The following VMAC variants were observed in gnomAD, a reference collection of about 807,000 sequenced individuals.
VMAC encodes the protein vimentin type intermediate filament associated coiled-coil protein, also known as vimentin-type intermediate filament-associated coiled-coil protein.
Under a neutral mutation model 4.8 loss-of-function variants are expected in VMAC, and 8 were observed. That is an observed-to-expected ratio of 1.68 (90% CI 0.99 to 3.03). The LOEUF is 3.03. VMAC is among the 30% of genes most tolerant of loss of function. VMAC has a pLI of 0.00. For missense variants in VMAC, 248 were observed against 245.1 expected, an observed-to-expected ratio of 1.01 and a Z score of -0.08; for synonymous variants, 96 against 113.7, an observed-to-expected ratio of 0.84 and a Z score of 0.99.
intron 1 of VMAC, among the ~76,000 whole-genome samples, chr19:5,906,724 C>T (rs1284918896): frequency 6.6e-6 from 1 of 152,176 alleles, no homozygotes; most frequent in African/African-American, 2.4e-5. Flanking sequence ...TGAGGGTTCT[C>T]ATAAGAAAAT....
rs763974536 is a variant in VMAC at position 5,909,443 on chromosome 19, C to T, written c.*301C>T. ...GACTTGGCCAAGCTTGCCTGGAGTTCAGGGCACCCTCTTTAGCCAGGGTGT... is the reference window on the plus strand; with the variant it reads ...GACTTGGCCAAGCTTGCCTGGAGTTTAGGGCACCCTCTTTAGCCAGGGTGT... On this transcript the variant is annotated 3_prime_UTR_variant, in exon 2 of 2. Coordinates refer to ENST00000339485, the MANE Select transcript of VMAC (RefSeq NM_001017921.4). The T allele has an allele frequency of 2.8e-6, 1 of 358,932 alleles. No individual in the cohort carries two copies. Among genetic ancestry groups the T allele is most frequent in the Non-Finnish European group, 5.0e-6 (1 of 199,960 alleles). 22.2% of individuals were successfully genotyped at this position (358,932 alleles called of 1,614,324 possible). A position where few individuals can be genotyped will look rare whatever the true frequency, so the allele number is the denominator to read the frequency against.
rs778771322 is a variant in VMAC, at chr19:5,909,139, G to A, written c.507G>A (p.Val169=). The A allele has an allele frequency of 2.0e-6, 3 of 1,536,974 alleles. No homozygotes were observed. The highest frequency in any genetic ancestry group is 1.4e-5 in the African/African-American group (1 of 72,866). The change falls in exon 2 of 2, where the codon GTG becomes GTA. Residue 169 remains valine, a synonymous_variant. Transcript: ENST00000339485. ...AGCCTGCAGTGTTTGGGACCACAGTGTGAGCCCGGAATGCAGATTACAGAA... is the reference window on the plus strand; with the variant it reads ...AGCCTGCAGTGTTTGGGACCACAGTATGAGCCCGGAATGCAGATTACAGAA... The part of the protein sequence containing the change: ...HLQPAVFGTT[V]
In VMAC at chr19:5,909,036, C is replaced by G. The variant is rs1220322701; in HGVS notation, c.404C>G (p.Pro135Arg). The change falls in exon 2 of 2, where the codon CCC becomes CGC. Residue 135 changes from proline to arginine, a missense_variant. Physicochemically the swap from Pro to Arg is moderately radical, Grantham distance 103. Coordinates refer to ENST00000339485, the MANE Select transcript of VMAC (RefSeq NM_001017921.4). The part of the protein sequence containing the change: ...ERLGPLPASD[P>R]GHPPPGGPGP... ...CTGGGGCCCCTGCCGGCCAGTGACC[C>G]CGGCCACCCACCCCCCGGTGGGCCT... The G allele has an allele frequency of 6.3e-7, 1 of 1,576,146 alleles. No homozygotes were observed. Among genetic ancestry groups the G allele is most frequent in the Non-Finnish European group, 8.6e-7 (1 of 1,162,712 alleles).
Position 5,909,034 on chromosome 19 carries a change from C to A in VMAC, c.402C>A (p.Asp134Glu). 1 of 1,575,922 alleles carries A rather than the reference C, an allele frequency of 6.3e-7. No homozygotes were observed. Among genetic ancestry groups the A allele is most frequent in the Non-Finnish European group, 8.6e-7 (1 of 1,162,534 alleles). The change falls in exon 2 of 2, where the codon GAC (aspartate) becomes GAA (glutamate). Residue 134 changes from aspartate (D) to glutamate (E), a missense_variant. Physicochemically the swap from Asp to Glu is conservative, Grantham distance 45. Transcript: ENST00000339485. ...GCCTGGGGCCCCTGCCGGCCAGTGA[C>A]CCCGGCCACCCACCCCCCGGTGGGC... ...AERLGPLPAS[D>E]PGHPPPGGPG...
intron 1 of VMAC, among the ~76,000 whole-genome samples, chr19:5,906,773 C>T (rs2057680338): frequency 6.6e-6 from 1 of 152,164 alleles, no homozygotes; most frequent in South Asian, 2.1e-4. Flanking sequence ...GCCTGTAATC[C>T]CAGCACTTTG....
Position 5,908,817 on chromosome 19 carries a change from C to T in VMAC, c.192-7C>T. On this transcript the variant is annotated splice_polypyrimidine_tract_variant and splice_region_variant and intron_variant, in intron 1 of 1. Transcript: ENST00000339485. This position sits in a 1 kb window ranked among gnomAD's most constrained non-coding sequence, Gnocchi z 4.5. ...TCTGTAATCACCTCCTCTTGCCTTC[C>T]TGCCAGTGAGATTGCCACACTCCAG... The T allele has an allele frequency of 6.2e-7, 1 of 1,613,376 alleles. No individual in the cohort carries two copies. The highest frequency in any genetic ancestry group is 1.7e-5 in the Admixed American group (1 of 59,818).
rs1370675598 is a variant in VMAC at position 5,909,352 on chromosome 19, G to T, written c.*210G>T. ...CAGAAGTGTTCTTGTTTGTTTTTAA[G>T]CTTTGAATCAGTCACCCTTGCTAAA... On this transcript the variant is annotated 3_prime_UTR_variant, in exon 2 of 2. Transcript: ENST00000339485. The T allele has an allele frequency of 3.8e-6, 2 of 532,348 alleles. No individual in the cohort carries two copies. Among genetic ancestry groups the T allele is most frequent in the East Asian group, 6.9e-5 (2 of 28,928 alleles). The allele number at this position is 532,348 out of a possible 1,614,324, so 33.0% of individuals were successfully genotyped here. A position where few individuals can be genotyped will look rare whatever the true frequency, so the allele number is the denominator to read the frequency against.
Position 5,905,030 on chromosome 19 carries a change from A to T in VMAC, c.140A>T (p.His47Leu). The T allele has an allele frequency of 7.2e-7, 1 of 1,392,594 alleles. No homozygotes were observed. Among genetic ancestry groups the T allele is most frequent in the Non-Finnish European group, 9.2e-7 (1 of 1,081,824 alleles). The allele number at this position is 1,392,594 out of a possible 1,614,324, so 86.3% of individuals were successfully genotyped here. ...VHAQAERLAL[H>L]DQQLRAALDE... Reference sequence around the variant, plus strand: ...GCCCAAGCCGAGCGCCTGGCCCTCCACGACCAGCAGCTGCGCGCCGCCCTA... The same window carrying T: ...GCCCAAGCCGAGCGCCTGGCCCTCCTCGACCAGCAGCTGCGCGCCGCCCTA... The change falls in exon 1 of 2, where the codon CAC (histidine) becomes CTC (leucine). Residue 47 changes from histidine (H) to leucine (L), a missense_variant. Physicochemically the swap from His to Leu is moderately conservative, Grantham distance 99. Transcript: ENST00000339485.
In VMAC at chr19:5,910,324, A is replaced by T. The variant is rs953941791; in HGVS notation, c.*1182A>T. 6 of 152,342 alleles carry T rather than the reference A, an allele frequency of 3.9e-5. No individual in the cohort carries two copies. The highest frequency in any genetic ancestry group is 1.4e-4 in the African/African-American group (6 of 41,576). 9.4% of individuals were successfully genotyped at this position (152,342 alleles called of 1,614,324 possible). ...GGGCCAGGTAGAATCTAGGGAGTGT[A>T]GGCCAAGCACTCTCTACAGCGATTG... is the stretch of plus-strand genomic sequence containing the variant. On this transcript the variant is annotated 3_prime_UTR_variant, in exon 2 of 2. Coordinates refer to ENST00000339485, the MANE Select transcript of VMAC (RefSeq NM_001017921.4).
At position 5,908,437 on chromosome 19, in the gene VMAC, A is replaced by C. The variant is rs447980; in HGVS notation, c.192-387A>C. 0.66 allele frequency among the ~76,000 whole-genome samples: 99,867 copies of C among 151,856 alleles called. 33,082 individuals are homozygous for C. Among genetic ancestry groups the C allele is most frequent in the Admixed American group, 0.78 (11,858 of 15,244 alleles). ...CGAGACCAGCCTGGCCAGCATGGTG[A>C]AACCCCATCTCTACTGAAGATACAA... On this transcript the variant is annotated intron_variant, in intron 1 of 1. Transcript: ENST00000339485. This position sits in a 1 kb window ranked among gnomAD's most constrained non-coding sequence, Gnocchi z 4.5.
rs2057691270 is a variant in VMAC, at chr19:5,909,690, A to G, written c.*548A>G. Reference sequence around the variant, plus strand: ...ACCGGGGAGGGGAGGGGGTTTCACCATGTTGACCAGGCTGGTCTCAAACTC... The same window carrying G: ...ACCGGGGAGGGGAGGGGGTTTCACCGTGTTGACCAGGCTGGTCTCAAACTC... On this transcript the variant is annotated 3_prime_UTR_variant, in exon 2 of 2. Coordinates refer to ENST00000339485, the MANE Select transcript of VMAC (RefSeq NM_001017921.4). 6.5e-6 allele frequency: 1 copy of G among 153,480 alleles called. No homozygotes were observed. The highest frequency in any genetic ancestry group is 2.0e-4 in the South Asian group (1 of 4,990). The allele number at this position is 153,480 out of a possible 1,614,324, so 9.5% of individuals were successfully genotyped here.
intron 1 of VMAC, among the ~76,000 whole-genome samples, chr19:5,906,366 C>G (rs1346158497): frequency 2.0e-5 from 3 of 152,334 alleles, no homozygotes; most frequent in African/African-American, 7.2e-5. Context: ...CAGGTGGGAA[C>G]TATTACTTCA....
rs1416250525 is a variant in VMAC, at chr19:5,905,071, G to A, written c.181G>A (p.Ala61Thr). Residue 61 changes from alanine to threonine, a missense_variant, in exon 1 of 2, where the codon GCC becomes ACC. Coordinates refer to ENST00000339485, the MANE Select transcript of VMAC (RefSeq NM_001017921.4). ...LRAALDELGR[A>T]KDREIATLQE... ...CGCCGCCCTAGACGAACTGGGTCGC[G>A]CCAAGGACCGGTGAGGCCCGGGGCC... is the stretch of plus-strand genomic sequence containing the variant. The A allele has an allele frequency of 7.4e-7, 1 of 1,357,304 alleles. No individual in the cohort carries two copies. The highest frequency in any genetic ancestry group is 9.4e-7 in the Non-Finnish European group (1 of 1,062,622). The allele number at this position is 1,357,304 out of a possible 1,614,324, so 84.1% of individuals were successfully genotyped here.
chr19:5,905,135 A>G, intron 1 of VMAC, 54 bp downstream of exon 1: 1 of 1,334,038 alleles, frequency 7.5e-7, no homozygotes, highest in Non-Finnish European at 9.6e-7. Flanking sequence ...GCGGAGGCAG[A>G]GCCGAGGCTG....
chr19:5,908,379 G>T lies in VMAC; in HGVS notation c.192-445G>T, dbSNP rs1203723054. ...CGCCTGTAATCCCAGCACTTTGAGA[G>T]GCCATGGCGGGTGGATCACGTGGTC... On this transcript the variant is annotated intron_variant, in intron 1 of 1. Transcript: ENST00000339485. This position sits in a 1 kb window ranked among gnomAD's most constrained non-coding sequence, Gnocchi z 4.5. 6.6e-6 allele frequency among the ~76,000 whole-genome samples: 1 copy of T among 151,942 alleles called. No homozygotes were observed. Among genetic ancestry groups the T allele is most frequent in the Non-Finnish European group, 1.5e-5 (1 of 67,996 alleles).
rs200630174 is a variant in VMAC at position 5,909,024 on chromosome 19, C to T, written c.392C>T (p.Pro131Leu). 72 of 1,584,758 alleles carry T rather than the reference C, an allele frequency of 4.5e-5. No individual in the cohort carries two copies. The African/African-American group carries it at 6.9e-4, about 15-fold the overall frequency. The change falls in exon 2 of 2, where the codon CCG becomes CTG. Residue 131 changes from proline to leucine, a missense_variant. Transcript: ENST00000339485. ...GAGGCTGAGCGCCTGGGGCCCCTGC[C>T]GGCCAGTGACCCCGGCCACCCACCC... ...LAEAERLGPL[P>L]ASDPGHPPPG...
In VMAC at chr19:5,910,086, T is replaced by A. The variant is rs374807753; in HGVS notation, c.*944T>A. 93 of 152,326 alleles carry A rather than the reference T, an allele frequency of 6.1e-4. No homozygotes were observed. Among genetic ancestry groups the A allele is most frequent in the African/African-American group, 2.1e-3 (89 of 41,554 alleles). 9.4% of individuals were successfully genotyped at this position (152,326 alleles called of 1,614,324 possible). A position where few individuals can be genotyped will look rare whatever the true frequency, so the allele number is the denominator to read the frequency against. On this transcript the variant is annotated 3_prime_UTR_variant, in exon 2 of 2. Coordinates refer to ENST00000339485, the MANE Select transcript of VMAC (RefSeq NM_001017921.4). ...CGGAGGCCACCCACGGCCTTCAGGA[T>A]GGCGCCCGCCTGCCTGCCTGGCAAC... is the stretch of plus-strand genomic sequence containing the variant.
chr19:5,905,858 C>CT (rs1278549047), intron 1 of VMAC, among the ~76,000 whole-genome samples: 10 of 152,202 alleles, frequency 6.6e-5, no homozygotes, highest in African/African-American at 2.4e-4. Flanking sequence ...CCACGCATGG[C>CT]TTATTTTTTG....
In VMAC at chr19:5,908,823, G is replaced by A; in HGVS notation, c.192-1G>A. ...ATCACCTCCTCTTGCCTTCCTGCCA[G>A]TGAGATTGCCACACTCCAGGAGCAG... On this transcript the variant is annotated splice_acceptor_variant, in intron 1 of 1. Coordinates refer to ENST00000339485, the MANE Select transcript of VMAC (RefSeq NM_001017921.4). LOFTEE classifies it high-confidence loss of function. This position sits in a 1 kb window ranked among gnomAD's most constrained non-coding sequence, Gnocchi z 4.5. The A allele has an allele frequency of 6.2e-7, 1 of 1,613,444 alleles. No individual in the cohort carries two copies. Among genetic ancestry groups the A allele is most frequent in the South Asian group, 1.1e-5 (1 of 91,072 alleles).
Sources: allele counts gnomAD v4.1 joint callset (sites outside exome capture counted in the v4.1 genomes callset), GRCh38; gene constraint gnomAD v4.1.1; non-coding constraint Gnocchi (gnomAD v3.1); transcripts MANE v1.5; gene names NCBI Gene and HGNC (gene_info 2026-07-23, HGNC 2026-07-21).